Variants in TMEM40 observed in about 807,000 individuals in gnomAD.
TMEM40 encodes transmembrane protein 40.
A neutral mutation model predicts 40.8 loss-of-function variants in TMEM40; 34 were observed. The observed-to-expected ratio is 0.83, with a 90% CI of 0.63 to 1.11. The LOEUF (loss-of-function observed/expected upper bound fraction) is 1.11, where lower values mean the gene tolerates loss of function less well. Ranked by LOEUF, TMEM40 falls within the 50% of genes least tolerant of loss-of-function variation. The pLI, the probability that TMEM40 is intolerant of heterozygous loss-of-function variation, is 0.00. For missense variants in TMEM40, 296 were observed against 280.2 expected (o/e 1.06, Z -0.40); for synonymous variants, 106 against 107.0 (o/e 0.99, Z 0.06).
chr3:12,741,467 C>CA (rs1416054677), intron 5 of TMEM40: 1 of 152,106 alleles, frequency 6.6e-6, no homozygotes, highest in Non-Finnish European at 1.5e-5. Flanking sequence ...ACACTATATG[C>CA]AAAGTGACCA....
intron 10 of TMEM40, 63 bp downstream of exon 10, chr3:12,736,515 A>G: frequency 2.0e-6 from 3 of 1,523,062 alleles, no homozygotes; most frequent in Non-Finnish European, 2.7e-6. Context: ...ATGAAAATGA[A>G]TATTTCTACC....
intron 1 of TMEM40, among the ~76,000 whole-genome samples, chr3:12,766,958 C>G (rs2061597073): frequency 6.6e-6 from 1 of 152,208 alleles, no homozygotes; most frequent in South Asian, 2.1e-4. Context: ...ATGCTCACCA[C>G]ACAGCCACAG....
At chr3:12,748,244 C>T (rs1326037815) in intron 3 of TMEM40, among the ~76,000 whole-genome samples, 1 of 152,190 alleles carries the variant, frequency 6.6e-6, no homozygotes, top group Non-Finnish European at 1.5e-5. Context: ...GAGCAGTTTA[C>T]CCAAGGACGT....
chr3:12,746,227 T>C (rs2106613743), intron 3 of TMEM40, among the ~76,000 whole-genome samples: 1 of 151,968 alleles, frequency 6.6e-6, no homozygotes, highest in Admixed American at 6.6e-5. Context: ...AAAATAATAA[T>C]AATAACCGCG....
intron 5 of TMEM40, 77 bp from the exon 6 acceptor site, chr3:12,738,665 A>G: frequency 6.6e-7 from 1 of 1,504,012 alleles, no homozygotes; most frequent in Non-Finnish European, 9.2e-7. Context: ...GGGAAGGTGG[A>G]TCCTGCTCGG....
chr3:12,738,895 C>T (rs539855786), intron 5 of TMEM40: 166 of 340,432 alleles, frequency 4.9e-4, no homozygotes, highest in African/African-American at 3.2e-3. Context: ...TGGCTCATGC[C>T]TGTAATACCA....
chr3:12,743,980 T>C lies in TMEM40; in HGVS notation c.221A>G (p.Asp74Gly). The C allele has an allele frequency of 6.2e-7, 1 of 1,612,154 alleles. No homozygotes were observed. Among genetic ancestry groups the C allele is most frequent in the Non-Finnish European group, 8.5e-7 (1 of 1,179,278 alleles). ...GGTTGCTCTGGGTTGCTGGTCCTCA[T>C]CATTGCTCTCTGCGGGTAACAAACA... Reference protein sequence around the residue: ...SSSSSSSESNDEDQQPRATGK... With the variant: ...SSSSSSSESNGEDQQPRATGK... Residue 74 changes from aspartate (D) to glycine (G), a missense_variant, in exon 4 of 12, where the codon GAT becomes GGT. Transcript: ENST00000314124.
intron 8 of TMEM40, chr3:12,737,495 C>A: frequency 1.7e-6 from 1 of 603,156 alleles, no homozygotes; most frequent in Non-Finnish European, 2.9e-6. Context: ...TGTAAGGCCA[C>A]TCCCCAACCT....
Position 12,734,779 on chromosome 3 carries a change from C to A in TMEM40, c.697G>T (p.Asp233Tyr), listed in dbSNP as rs752057963. The change falls in exon 12 of 12, where the codon GAC (aspartate) becomes TAC (tyrosine). Residue 233 changes from aspartate to tyrosine, a missense_variant. Asp to Tyr is a radical substitution (Grantham distance 160). Transcript: ENST00000314124. ...CTGCCCACCTGGAAGTGGCCTCAGTCAGTCTTCCTGAACCCTGGAAGGCAA... is the reference window on the plus strand; with the variant it reads ...CTGCCCACCTGGAAGTGGCCTCAGTAAGTCTTCCTGAACCCTGGAAGGCAA... ...KFRLTGFRKT[D>Y] 1 of 1,599,134 alleles carries A rather than the reference C, an allele frequency of 6.3e-7. No homozygotes were observed. The highest frequency in any genetic ancestry group is 8.5e-7 in the Non-Finnish European group (1 of 1,173,296).
chr3:12,768,274 G>C (rs1575750301), intron 1 of TMEM40, among the ~76,000 whole-genome samples: 1 of 152,116 alleles, frequency 6.6e-6, no homozygotes, highest in African/African-American at 2.4e-5. Context: ...ACTACATAAA[G>C]CCAGCGTGGA....
intron 7 of TMEM40, 56 bp downstream of exon 7, chr3:12,738,080 C>G (rs1470957191): frequency 6.2e-6 from 10 of 1,607,142 alleles, no homozygotes; most frequent in Non-Finnish European, 8.5e-6. Flanking sequence ...AGGACCCAAC[C>G]CATCGTCTGG....
At chr3:12,746,236 C>T (rs113971511) in intron 3 of TMEM40, among the ~76,000 whole-genome samples, 78 of 151,342 alleles carry the variant, frequency 5.2e-4, no homozygotes, top group African/African-American at 1.7e-3. Context: ...ATAATAACCG[C>T]GGCAGAAAGA....
intron 3 of TMEM40, among the ~76,000 whole-genome samples, chr3:12,744,441 C>T (rs113075974): frequency 6.6e-6 from 1 of 152,172 alleles, no homozygotes; most frequent in Non-Finnish European, 1.5e-5. Flanking sequence ...GTCACACCTC[C>T]TGTAGAAAGC....
upstream of TMEM40, among the ~76,000 whole-genome samples, chr3:12,760,001 C>T (rs1368029551): frequency 6.6e-6 from 1 of 152,082 alleles, no homozygotes; most frequent in Non-Finnish European, 1.5e-5. Context: ...GCTGTGGGCT[C>T]CCCAGGAGGA....
chr3:12,737,944 T>C (rs1559524479), intron 7 of TMEM40, 190 bp from the exon 8 acceptor site: 1 of 935,612 alleles, frequency 1.1e-6, no homozygotes. Flanking sequence ...TTCCTCCTCC[T>C]TCCTTAGGCC....
intron 1 of TMEM40, among the ~76,000 whole-genome samples, chr3:12,754,173 A>C (rs576461342): frequency 1.3e-5 from 2 of 152,116 alleles, no homozygotes; most frequent in African/African-American, 2.4e-5. Context: ...TTAGCCGGGC[A>C]TGGTGGCGGG....
At chr3:12,768,962 C>A (rs2061608906) in intron 1 of TMEM40, among the ~76,000 whole-genome samples, 1 of 146,312 alleles carries the variant, frequency 6.8e-6, no homozygotes, top group East Asian at 2.1e-4. Context: ...CGGGGGGGCG[C>A]GGCCTGGCGA....
In TMEM40 at chr3:12,733,980, C is replaced by G. The variant is rs939654196; in HGVS notation, c.*794G>C. On this transcript the variant is annotated 3_prime_UTR_variant, in exon 12 of 12. Transcript: ENST00000314124. Reference sequence around the variant, plus strand: ...AGTGCAGTGGCTTGATCGTACCTCACTGCAGCCCTGAACTCCTGGGCTCAA... The same window carrying G: ...AGTGCAGTGGCTTGATCGTACCTCAGTGCAGCCCTGAACTCCTGGGCTCAA... 1 of 151,274 alleles carries G rather than the reference C, an allele frequency of 6.6e-6. No individual in the cohort carries two copies. The allele number at this position is 151,274 out of a possible 1,614,324, so 9.4% of individuals were successfully genotyped here. A position where few individuals can be genotyped will look rare whatever the true frequency, so the allele number is the denominator to read the frequency against.
intron 1 of TMEM40, among the ~76,000 whole-genome samples, chr3:12,754,301 G>A (rs934323498): frequency 2.4e-4 from 36 of 148,504 alleles, no homozygotes; most frequent in Non-Finnish European, 4.4e-4. Context: ...GACAGAGCAC[G>A]ATTCCGTCTC....
Sources: allele counts gnomAD v4.1 joint callset (sites outside exome capture counted in the v4.1 genomes callset), GRCh38; gene constraint gnomAD v4.1.1; transcripts MANE v1.5; gene names NCBI Gene and HGNC (gene_info 2026-07-23, HGNC 2026-07-21).